The following ARHGEF10L variants were observed in gnomAD, a reference collection of about 807,000 sequenced individuals.
ARHGEF10L encodes Rho guanine nucleotide exchange factor 10 like.
A neutral mutation model predicts 141.2 loss-of-function variants in ARHGEF10L; 69 were observed. The observed-to-expected ratio is 0.49, with a 90% CI of 0.40 to 0.60. The LOEUF (loss-of-function observed/expected upper bound fraction) is 0.60. Among genes scored for constraint, ARHGEF10L ranks in the 20% least tolerant of loss-of-function variants. The pLI is 0.00. For synonymous variants in ARHGEF10L, 711 were observed against 718.5 expected, an observed-to-expected ratio of 0.99 and a Z score of 0.17; for missense variants, 1,482 against 1,734.3, an observed-to-expected ratio of 0.85 and a Z score of 2.58.
chr1:17,652,038 C>A (rs1220453853), intron 22 of ARHGEF10L, among the ~76,000 whole-genome samples: 1 of 152,224 alleles, frequency 6.6e-6, no homozygotes, highest in Non-Finnish European at 1.5e-5. Flanking sequence ...TTCCAGCTCA[C>A]CACGTTTCCA....
the ARHGEF10L span, among the ~76,000 whole-genome samples, chr1:17,526,641 C>T: frequency 1.3e-5 from 2 of 152,184 alleles, no homozygotes; most frequent in African/African-American, 4.8e-5. Context: ...CAGTCACTCA[C>T]ACCTGTAATC....
chr1:17,579,847 C>T (rs906372813), intron 1 of ARHGEF10L, among the ~76,000 whole-genome samples: 1 of 152,196 alleles, frequency 6.6e-6, no homozygotes. Context: ...GGAAGCCCAC[C>T]GGAGGCATCA....
chr1:17,695,002 GC>G (rs2065387723), intron 27 of ARHGEF10L, 155 bp from the exon 28 acceptor site: 3 of 1,087,760 alleles, frequency 2.8e-6, no homozygotes, highest in Non-Finnish European at 4.2e-6. Context: ...AGGCAGGTCA[GC>G]CTCCAAAGCC....
intron 3 of ARHGEF10L, among the ~76,000 whole-genome samples, 200 bp downstream of exon 3, chr1:17,587,845 G>T (rs934320238): frequency 6.6e-6 from 1 of 152,214 alleles, no homozygotes; most frequent in African/African-American, 2.4e-5. Flanking sequence ...AACATCTGGC[G>T]CACTTTGGCA....
rs545406238 is a variant in ARHGEF10L at position 17,651,303 on chromosome 1, C to A, written c.2394+2628C>A. ...ATGTGTTGGGGTGGGACAGGCTTAA[C>A]TGGTGATAGATGGCGTATGCCAGAT... On this transcript the variant is annotated intron_variant, in intron 22 of 28. Coordinates refer to ENST00000361221, the MANE Select transcript of ARHGEF10L (RefSeq NM_018125.4). Among the ~76,000 whole-genome samples the A allele has an allele frequency of 6.6e-5, 10 of 152,300 alleles. No homozygotes were observed. In the East Asian group the frequency reaches 1.7e-3, roughly 26 times the overall value.
At position 17,664,436 on chromosome 1, in the gene ARHGEF10L, T is replaced by C. The variant is rs765033009; in HGVS notation, c.2861-11T>C. On this transcript the variant is annotated splice_polypyrimidine_tract_variant and intron_variant, in intron 25 of 28. Transcript: ENST00000361221. ...CCTGGCCCCTGACCTGCCTCCCCTC[T>C]CTCCCTGCAGGAGGTGTCCTGTGGG... 2 of 1,600,142 alleles carry C rather than the reference T, an allele frequency of 1.2e-6. No homozygotes were observed. The highest frequency in any genetic ancestry group is 1.7e-6 in the Non-Finnish European group (2 of 1,179,086).
rs761203478 is a variant in ARHGEF10L at position 17,697,161 on chromosome 1, C to T, written c.3621C>T (p.Asp1207=). 15 of 1,611,804 alleles carry T rather than the reference C, an allele frequency of 9.3e-6. No individual in the cohort carries two copies. Among genetic ancestry groups the T allele is most frequent in the African/African-American group, 5.3e-5 (4 of 74,926 alleles). Residue 1207 remains aspartate (D), a synonymous_variant, in exon 29 of 29, where the codon GAC becomes GAT. Transcript: ENST00000361221. The surrounding 1 kb of genome is among the most constrained non-coding windows in gnomAD (Gnocchi z 4.8). The part of the protein sequence containing the change: ...DGAALEHSEE[D]GSIYEMADDP... ...CAGCTTTGGAGCACAGCGAGGAGGA[C>T]GGCTCCATTTACGAGATGGCCGACG...
chr1:17,618,080 T>C (rs2059905275), intron 9 of ARHGEF10L, among the ~76,000 whole-genome samples: 1 of 152,180 alleles, frequency 6.6e-6, no homozygotes, highest in South Asian at 2.1e-4. Flanking sequence ...TGAATGTCCA[T>C]GTTCCCTCTG....
chr1:17,683,634 AGGGCTG>A (rs2064327851), intron 26 of ARHGEF10L, among the ~76,000 whole-genome samples: 1 of 151,898 alleles, frequency 6.6e-6, no homozygotes, highest in South Asian at 2.1e-4. Context: ...GGCTGGGGCT[AGGGCTG>A]GGGCTGGAGG....
intron 26 of ARHGEF10L, among the ~76,000 whole-genome samples, chr1:17,683,175 G>A (rs1174404658): frequency 7.5e-6 from 1 of 134,152 alleles, no homozygotes; most frequent in Non-Finnish European, 1.6e-5. Flanking sequence ...TCTCACCGTG[G>A]TGCTCACTGC....
At chr1:17,557,364 A>G (rs376534414) in intron 1 of ARHGEF10L, among the ~76,000 whole-genome samples, 1 of 151,682 alleles carries the variant, frequency 6.6e-6, no homozygotes, top group Non-Finnish European at 1.5e-5. Flanking sequence ...AACAAAAAAA[A>G]CCAAAAAAAA....
At chr1:17,556,122 C>T (rs1438598729) in intron 1 of ARHGEF10L, among the ~76,000 whole-genome samples, 3 of 68,812 alleles carry the variant, frequency 4.4e-5, no homozygotes, top group Non-Finnish European at 7.9e-5. Flanking sequence ...TGGGGGGGGC[C>T]TGGAAACACA....
intron 1 of ARHGEF10L, among the ~76,000 whole-genome samples, chr1:17,569,788 G>A (rs2077916688): frequency 2.0e-5 from 3 of 152,172 alleles, no homozygotes; most frequent in South Asian, 2.1e-4. Flanking sequence ...TGGCAGCCGC[G>A]GAGGCTCGCG....
rs961247282 is a variant in ARHGEF10L at position 17,607,704 on chromosome 1, C to T, written c.434-98C>T. 1.6e-6 allele frequency: 2 copies of T among 1,287,048 alleles called. No individual in the cohort carries two copies. Among genetic ancestry groups the T allele is most frequent in the Admixed American group, 3.6e-5 (1 of 27,988 alleles). The allele number at this position is 1,287,048 out of a possible 1,614,324, so 79.7% of individuals were successfully genotyped here. ...GGGCCCCCATGTTCTCCCTGACCCCCCCTCGCCCCACCTGGGTTCAGAAAT... is the reference window on the plus strand; with the variant it reads ...GGGCCCCCATGTTCTCCCTGACCCCTCCTCGCCCCACCTGGGTTCAGAAAT... On this transcript the variant is annotated intron_variant, in intron 6 of 28. Coordinates refer to ENST00000361221, the MANE Select transcript of ARHGEF10L (RefSeq NM_018125.4). This position sits in a 1 kb window ranked among gnomAD's most constrained non-coding sequence, Gnocchi z 4.5.
intron 22 of ARHGEF10L, 60 bp downstream of exon 22, chr1:17,648,735 G>A: frequency 6.3e-7 from 1 of 1,584,616 alleles, no homozygotes; most frequent in Non-Finnish European, 8.6e-7. Flanking sequence ...CCCCTCGCCT[G>A]GGAGAACCAG....
At position 17,651,994 on chromosome 1, in the gene ARHGEF10L, A is replaced by G. The variant is rs146467693; in HGVS notation, c.2395-2642A>G. Among the ~76,000 whole-genome samples the G allele has an allele frequency of 6.1e-3, 926 of 152,336 alleles. 10 individuals carry two copies. Among genetic ancestry groups the G allele is most frequent in the African/African-American group, 0.021 (867 of 41,574 alleles). On this transcript the variant is annotated intron_variant, in intron 22 of 28. Transcript: ENST00000361221. ...GGCCCTGTCCAATTACTGCAGAAGC[A>G]GATGTGACTGTGTGAACCTCTGCCC...
In ARHGEF10L at chr1:17,639,491, G is replaced by A. The variant is rs1246693371; in HGVS notation, c.2172-711G>A. 6.6e-6 allele frequency among the ~76,000 whole-genome samples: 1 copy of A among 151,650 alleles called. No homozygotes were observed. Among genetic ancestry groups the A allele is most frequent in the Non-Finnish European group, 1.5e-5 (1 of 67,886 alleles). On this transcript the variant is annotated intron_variant, in intron 20 of 28. Transcript: ENST00000361221. This position sits in a 1 kb window ranked among gnomAD's most constrained non-coding sequence, Gnocchi z 4.3. ...GGCTCAGTCCCCCAGGGGACCATGT[G>A]TAGGAGTCAGCAGCTTTGAATCTGC...
At chr1:17,680,743 CT>C (rs554689045) in intron 26 of ARHGEF10L, among the ~76,000 whole-genome samples, 744 of 129,758 alleles carry the variant, frequency 5.7e-3, no homozygotes, top group African/African-American at 7.4e-3. Flanking sequence ...CAACTGCCAG[CT>C]TTTTTTTTTT....
Position 17,648,686 on chromosome 1 carries a change from C to T in ARHGEF10L, c.2394+11C>T, listed in dbSNP as rs537517426. On this transcript the variant is annotated intron_variant, in intron 22 of 28. Transcript: ENST00000361221. ...GCACTCAGCCTGCAGGTGAGTGGAG[C>T]GGATCTTGCTGAGCCGACCTCGAAG... 69 of 1,611,586 alleles carry T rather than the reference C, an allele frequency of 4.3e-5. No homozygotes were observed. Among genetic ancestry groups the T allele is most frequent in the Admixed American group, 1.5e-4 (9 of 60,014 alleles).
Sources: gnomAD v4.1 joint callset for allele counts (sites outside exome capture counted in the v4.1 genomes callset) on GRCh38, gnomAD v4.1.1 for gene constraint, Gnocchi (gnomAD v3.1) non-coding constraint, MANE v1.5 for transcripts, NCBI Gene and HGNC (gene_info 2026-07-23, HGNC 2026-07-21) for gene names.